The following FANCD2 variants were observed in gnomAD, a reference collection of about 807,000 sequenced individuals.
FANCD2 encodes the protein FA complementation group D2, also known as Fanconi anemia group D2 protein.
FANCD2 carries 131 observed loss-of-function variants against 192.3 expected under a neutral mutation model. That is an observed-to-expected ratio of 0.68 (90% CI 0.59 to 0.79). The LOEUF is 0.79. Ranked by LOEUF, FANCD2 falls within the 30% of genes least tolerant of loss-of-function variation. The pLI, the probability that FANCD2 is intolerant of heterozygous loss-of-function variation, is 0.00. For synonymous variants in FANCD2, 524 were observed against 612.5 expected (o/e 0.86, Z 2.13); for missense variants, 1,508 against 1,701.6 (o/e 0.89, Z 2.00).
At chr3:10,068,120 T>C (rs2125040204) in intron 26 of FANCD2, among the ~76,000 whole-genome samples, 1 of 152,094 alleles carries the variant, frequency 6.6e-6, no homozygotes, top group East Asian at 1.9e-4. Context: ...TAAAATACAG[T>C]ATTGGAAGTC....
At chr3:10,048,635 A>T (rs2087104156) in intron 16 of FANCD2, among the ~76,000 whole-genome samples, 1 of 152,194 alleles carries the variant, frequency 6.6e-6, no homozygotes, top group Non-Finnish European at 1.5e-5. Flanking sequence ...ATATCCAGAG[A>T]GGGAGGACTG....
chr3:10,042,192 G>A (rs4441636), intron 10 of FANCD2, among the ~76,000 whole-genome samples: 29,846 of 152,000 alleles, frequency 0.2, 3,415 homozygotes, highest in African/African-American at 0.32. Flanking sequence ...CACCGTGCCT[G>A]GCCCACAGGT....
At chr3:10,064,975 C>A in intron 23 of FANCD2, 100 bp downstream of exon 23, 1 of 1,292,750 alleles carries the variant, frequency 7.7e-7, no homozygotes, top group Non-Finnish European at 1.1e-6. Context: ...AAGTTTCTCT[C>A]GAGACAAATG....
intron 2 of FANCD2, 53 bp from the exon 3 acceptor site, chr3:10,032,779 T>C: frequency 6.7e-7 from 1 of 1,502,994 alleles, no homozygotes; most frequent in Non-Finnish European, 9.2e-7. Flanking sequence ...GGGTTTAAGT[T>C]TTAATTTTTC....
chr3:10,078,017 GA>G (rs986249684), intron 29 of FANCD2, 63 bp from the exon 30 acceptor site: 13 of 1,206,510 alleles, frequency 1.1e-5, no homozygotes, highest in East Asian at 2.3e-5. Context: ...AAAAAAGAAA[GA>G]AAAAAAATTA....
intron 26 of FANCD2, among the ~76,000 whole-genome samples, chr3:10,067,684 A>C (rs574215319): frequency 6.6e-6 from 1 of 152,054 alleles, no homozygotes; most frequent in Admixed American, 6.5e-5. Flanking sequence ...TGTAATCCCA[A>C]CTACTTGGGA....
intron 3 of FANCD2, among the ~76,000 whole-genome samples, chr3:10,033,988 C>T (rs867250836): frequency 2.7e-5 from 4 of 150,386 alleles, no homozygotes; most frequent in Admixed American, 1.3e-4. Flanking sequence ...TGAGCCACCG[C>T]GCCCAGCCAA....
chr3:10,028,895 G>A lies in FANCD2; in HGVS notation c.64+174G>A, dbSNP rs887492533. 4.6e-5 allele frequency among the ~76,000 whole-genome samples: 7 copies of A among 152,158 alleles called. No homozygotes were observed. The East Asian group carries it at 7.7e-4, about 17-fold the overall frequency. ...ACTGAGTTTTTGCCTCGAATTCTGC[G>A]TATAACTTTGAGTATGACCACAGCC... On this transcript the variant is annotated intron_variant, in intron 2 of 43. Transcript: ENST00000675286.
chr3:10,091,306 C>CA (rs965535668), intron 37 of FANCD2, among the ~76,000 whole-genome samples: 11 of 151,588 alleles, frequency 7.3e-5, no homozygotes, highest in African/African-American at 2.7e-4. Context: ...GTCTTGAACT[C>CA]ATAGGCTCAA....
chr3:10,065,488 C>G lies in FANCD2; in HGVS notation c.2263C>G (p.Leu755Val). ...CGGAAACTTGGAGGAGATTGATGGTCTACTAGGTATGGGATGAAGTCATCA... is the reference window on the plus strand; with the variant it reads ...CGGAAACTTGGAGGAGATTGATGGTGTACTAGGTATGGGATGAAGTCATCA... The part of the protein sequence containing the change: ...HNGNLEEIDG[L>V]LDCPIFLTDL... The change falls in exon 24 of 44, where the codon CTA (leucine) becomes GTA (valine). Residue 755 changes from leucine to valine, a missense_variant. Physicochemically the swap from Leu to Val is conservative, Grantham distance 32. This residue lies in a region of FANCD2 where 796 missense variants were observed against 879.4 expected (regional missense o/e 0.91). Transcript: ENST00000675286. 1 of 1,599,324 alleles carries G rather than the reference C, an allele frequency of 6.3e-7. No individual in the cohort carries two copies. Among genetic ancestry groups the G allele is most frequent in the Non-Finnish European group, 8.6e-7 (1 of 1,166,536 alleles).
At chr3:10,077,967 A>G (rs555272534) in intron 29 of FANCD2, 114 bp from the exon 30 acceptor site, 1 of 798,768 alleles carries the variant, frequency 1.3e-6, no homozygotes, top group Admixed American at 1.7e-5. Flanking sequence ...CCAGGAGTTC[A>G]AGGCTGGAAT....
At chr3:10,064,036 A>G in intron 21 of FANCD2, 125 bp downstream of exon 21, 1 of 1,396,064 alleles carries the variant, frequency 7.2e-7, no homozygotes, top group South Asian at 1.3e-5. Flanking sequence ...CTAACTGGGA[A>G]AGGCTTTTCT....
chr3:10,097,003 G>T (rs1200484648), intron 42 of FANCD2, among the ~76,000 whole-genome samples: 1 of 152,126 alleles, frequency 6.6e-6, no homozygotes, highest in Non-Finnish European at 1.5e-5. Flanking sequence ...CTGGGCGTCC[G>T]GGGGAGACAT....
intron 42 of FANCD2, 36 bp downstream of exon 42, chr3:10,096,508 T>G: frequency 1.2e-6 from 2 of 1,605,294 alleles, no homozygotes; most frequent in Admixed American, 1.7e-5. Flanking sequence ...AATCCCCTAC[T>G]CTTATTCTTT....
intron 38 of FANCD2, 72 bp downstream of exon 38, chr3:10,092,324 G>A: frequency 8.5e-7 from 1 of 1,172,546 alleles, no homozygotes; most frequent in East Asian, 2.3e-5. Context: ...TTCCAAAATG[G>A]ACTTTCCTTG....
chr3:10,073,651 C>CA (rs1342358282), intron 28 of FANCD2, among the ~76,000 whole-genome samples: 13 of 152,312 alleles, frequency 8.5e-5, no homozygotes, highest in African/African-American at 2.9e-4. Context: ...ACTTGATTAT[C>CA]AGTAGTTCCC....
intron 36 of FANCD2, 49 bp downstream of exon 36, chr3:10,088,999 C>T (rs370534137): frequency 1.9e-6 from 3 of 1,606,194 alleles, no homozygotes; most frequent in African/African-American, 1.3e-5. Flanking sequence ...GAATCATCAT[C>T]AGGCTGGGCA....
rs752360517 is a variant in FANCD2, at chr3:10,043,064, T to A, written c.903T>A (p.Leu301=). The A allele has an allele frequency of 3.2e-5, 51 of 1,614,100 alleles. 1 individual carries two copies. In the Middle Eastern group the frequency reaches 1.2e-3, roughly 37 times the overall value. The part of the protein sequence containing the change: ...AMDTLEVISE[L]REKLDLQHCV... Reference sequence around the variant, plus strand: ...ACTTTCTGCAGGTAATTTCTGAGCTTCGGGAGAAGTTGGATCTGCAGCATT... The same window carrying A: ...ACTTTCTGCAGGTAATTTCTGAGCTACGGGAGAAGTTGGATCTGCAGCATT... The change falls in exon 12 of 44, where the codon CTT becomes CTA. Residue 301 remains leucine (L), a synonymous_variant. Coordinates refer to ENST00000675286, the MANE Select transcript of FANCD2 (RefSeq NM_001018115.3).
chr3:10,072,045 C>T (rs1288690814), intron 26 of FANCD2, among the ~76,000 whole-genome samples: 3 of 152,136 alleles, frequency 2.0e-5, no homozygotes, highest in African/African-American at 7.2e-5. Flanking sequence ...CAGGCATGAG[C>T]CAGAGAGCCC....
Sources: allele counts gnomAD v4.1 joint callset (sites outside exome capture counted in the v4.1 genomes callset), GRCh38; gene constraint gnomAD v4.1.1; regional missense constraint gnomAD v4.1.1; transcripts MANE v1.5; gene names NCBI Gene and HGNC (gene_info 2026-07-23, HGNC 2026-07-21).